The following KDM4C variants were observed in gnomAD, a reference collection of about 807,000 sequenced individuals.
KDM4C encodes lysine-specific demethylase 4C.
A neutral mutation model predicts 129.3 loss-of-function variants in KDM4C; 81 were observed. That is an observed-to-expected ratio of 0.63 (90% CI 0.52 to 0.75). The LOEUF (loss-of-function observed/expected upper bound fraction) is 0.75, where lower values mean the gene tolerates loss of function less well. KDM4C is among the 30% of genes least tolerant of loss of function. The pLI is 0.00. For synonymous variants in KDM4C, 573 were observed against 456.1 expected (o/e 1.26, Z -3.26); for missense variants, 1,457 against 1,304.0 (o/e 1.12, Z -1.81).
chr9:7,074,188 G>T (rs772503959), intron 17 of KDM4C, among the ~76,000 whole-genome samples: 7 of 151,834 alleles, frequency 4.6e-5, no homozygotes, highest in Admixed American at 1.3e-4. Context: ...TTCTGAGTTG[G>T]AGTTTCGCTC....
At chr9:6,830,366 TG>T (rs1834611791) in intron 4 of KDM4C, among the ~76,000 whole-genome samples, 1 of 152,142 alleles carries the variant, frequency 6.6e-6, no homozygotes, top group Non-Finnish European at 1.5e-5. Flanking sequence ...AGGGAGGTCG[TG>T]GAGCTGCTTC....
intron 17 of KDM4C, among the ~76,000 whole-genome samples, chr9:7,071,419 T>G (rs575632975): frequency 5.1e-4 from 78 of 152,270 alleles, no homozygotes; most frequent in African/African-American, 1.7e-3. Flanking sequence ...ATTAGCAAGT[T>G]AATGTGGTGA....
chr9:6,773,320 C>A (rs1822289729), intron 1 of KDM4C, among the ~76,000 whole-genome samples: 1 of 152,100 alleles, frequency 6.6e-6, no homozygotes, highest in Non-Finnish European at 1.5e-5. Flanking sequence ...CCATAAATTA[C>A]CATTTTTTAA....
At position 6,814,750 on chromosome 9, in the gene KDM4C, A is replaced by T. The variant is rs756260921; in HGVS notation, c.435+5A>T. 6.6e-7 allele frequency: 1 copy of T among 1,510,748 alleles called. No homozygotes were observed. The allele number at this position is 1,510,748 out of a possible 1,614,324, so 93.6% of individuals were successfully genotyped here. On this transcript the variant is annotated splice_donor_5th_base_variant and intron_variant, in intron 4 of 21. Transcript: ENST00000381309. ...AATGGGAGCATATATGATGAGGTACATTCATATTTACAGTGAGTTTTGTAA... is the reference window on the plus strand; with the variant it reads ...AATGGGAGCATATATGATGAGGTACTTTCATATTTACAGTGAGTTTTGTAA...
At chr9:7,162,101 C>T (rs953647374) in intron 19 of KDM4C, among the ~76,000 whole-genome samples, 5 of 152,132 alleles carry the variant, frequency 3.3e-5, no homozygotes, top group African/African-American at 1.2e-4. Flanking sequence ...AGCTGAATGA[C>T]CTGGTGCAGG....
intron 7 of KDM4C, 26 bp downstream of exon 7, chr9:6,888,089 AT>A: frequency 1.6e-6 from 2 of 1,233,600 alleles, no homozygotes; most frequent in Non-Finnish European, 2.3e-6. Flanking sequence ...TCTTACACAA[AT>A]TAATTTTGTT....
At chr9:6,938,890 C>T (rs1314803660) in intron 8 of KDM4C, among the ~76,000 whole-genome samples, 1 of 152,032 alleles carries the variant, frequency 6.6e-6, no homozygotes, top group East Asian at 1.9e-4. Context: ...GGTTAACTTA[C>T]TCATGTTTCA....
intron 18 of KDM4C, 135 bp downstream of exon 18, chr9:7,104,005 G>A: frequency 1.3e-6 from 1 of 785,578 alleles, no homozygotes; most frequent in Admixed American, 2.5e-5. Flanking sequence ...TGAGTTCCTT[G>A]AGGGCAGGGA....
intron 4 of KDM4C, among the ~76,000 whole-genome samples, chr9:6,815,309 C>T (rs1260772071): frequency 6.6e-6 from 1 of 152,072 alleles, no homozygotes; most frequent in East Asian, 1.9e-4. Context: ...AACCCTAATT[C>T]TAAAAGTTCT....
At chr9:6,832,816 C>T (rs962359415) in intron 4 of KDM4C, among the ~76,000 whole-genome samples, 2 of 150,276 alleles carry the variant, frequency 1.3e-5, no homozygotes, top group African/African-American at 2.5e-5. Flanking sequence ...CAACCTCTGC[C>T]TCCTGAGTTC....
In KDM4C at chr9:7,005,251, C is replaced by G. The variant is rs1821448256; in HGVS notation, c.1787-6447C>G. On this transcript the variant is annotated intron_variant, in intron 12 of 21. Transcript: ENST00000381309. ...AGGAGTTCAAGACCAGCCTGGCCAA[C>G]ATGGTGAAACCCCATCTCTACTAAA... 2.0e-5 allele frequency among the ~76,000 whole-genome samples: 3 copies of G among 152,056 alleles called. No individual in the cohort carries two copies. In the South Asian group the frequency reaches 6.2e-4, roughly 32 times the overall value.
chr9:6,906,364 T>C (rs1469662624), intron 8 of KDM4C, among the ~76,000 whole-genome samples: 1 of 152,202 alleles, frequency 6.6e-6, no homozygotes, highest in Non-Finnish European at 1.5e-5. Flanking sequence ...ATGGAAGGAA[T>C]TCTCAGCATC....
rs145525753 is a variant in KDM4C at position 6,822,353 on chromosome 9, G to A, written c.435+7608G>A. On this transcript the variant is annotated intron_variant, in intron 4 of 21. Coordinates refer to ENST00000381309, the MANE Select transcript of KDM4C (RefSeq NM_015061.6). ...TAATTATTTGTTCTTGGGGAAGACTGTACAAATCCTTTTTGAGATAGATGG... is the reference window on the plus strand; with the variant it reads ...TAATTATTTGTTCTTGGGGAAGACTATACAAATCCTTTTTGAGATAGATGG... Among the ~76,000 whole-genome samples the A allele has an allele frequency of 1.4e-3, 217 of 152,322 alleles. 4 individuals carry two copies. The highest frequency in any genetic ancestry group is 5.1e-3 in the African/African-American group (210 of 41,572).
rs781408510 is a variant in KDM4C, at chr9:6,731,663, T to C, written c.49+10666T>C. ...CTCCATTTTTGTTTGGTTTGGTCTGTTGGGGCCTAGCGCATGAGCTCAGTT... is the reference window on the plus strand; with the variant it reads ...CTCCATTTTTGTTTGGTTTGGTCTGCTGGGGCCTAGCGCATGAGCTCAGTT... On this transcript the variant is annotated intron_variant, in intron 1 of 17. Coordinates refer to the KDM4C transcript ENST00000536108. Among the ~76,000 whole-genome samples the C allele has an allele frequency of 2.0e-5, 3 of 152,106 alleles. No individual in the cohort carries two copies. The East Asian group carries it at 5.8e-4, about 29-fold the overall frequency.
intron 8 of KDM4C, chr9:6,925,527 A>G (rs1159231771): frequency 2.2e-6 from 2 of 902,724 alleles, no homozygotes; most frequent in Non-Finnish European, 2.6e-6. Context: ...ATCTCCTGGC[A>G]TCAAGCAGTC....
chr9:7,025,624 CAG>C (rs1825683430), intron 15 of KDM4C, among the ~76,000 whole-genome samples: 1 of 151,610 alleles, frequency 6.6e-6, no homozygotes, highest in African/African-American at 2.4e-5. Flanking sequence ...CAAAAACACA[CAG>C]AGGCAAAAAG....
rs190187021 is a variant in KDM4C at position 6,747,827 on chromosome 9, G to A, written c.49+26830G>A. Reference sequence around the variant, plus strand: ...TTTAGAGGGAGTGCCCTGGAATGCCGTCCCTATCACTGCCTTACTGGCATT... The same window carrying A: ...TTTAGAGGGAGTGCCCTGGAATGCCATCCCTATCACTGCCTTACTGGCATT... On this transcript the variant is annotated intron_variant, in intron 1 of 17. Transcript: ENST00000536108. 7.6e-4 allele frequency among the ~76,000 whole-genome samples: 116 copies of A among 152,284 alleles called. 2 individuals are homozygous for A. Among genetic ancestry groups the A allele is most frequent in the African/African-American group, 2.2e-4 (9 of 41,568 alleles).
In KDM4C at chr9:6,749,044, A is replaced by G; in HGVS notation, c.49+28047A>G. 14 of 592,478 alleles carry G rather than the reference A, an allele frequency of 2.4e-5. 1 individual carries two copies. Among genetic ancestry groups the G allele is most frequent in the South Asian group, 2.3e-4 (14 of 61,382 alleles). The allele number at this position is 592,478 out of a possible 1,614,324, so 36.7% of individuals were successfully genotyped here. A position where few individuals can be genotyped will look rare whatever the true frequency, so the allele number is the denominator to read the frequency against. On this transcript the variant is annotated intron_variant, in intron 1 of 17. Coordinates refer to the KDM4C transcript ENST00000536108. Reference sequence around the variant, plus strand: ...ATTATTATTTTTATTTTTGAAATGGAGTTTTGCTCTTGTTGCCCAGGCTGG... The same window carrying G: ...ATTATTATTTTTATTTTTGAAATGGGGTTTTGCTCTTGTTGCCCAGGCTGG...
At chr9:7,040,177 C>G (rs899498516) in intron 15 of KDM4C, among the ~76,000 whole-genome samples, 1 of 151,968 alleles carries the variant, frequency 6.6e-6, no homozygotes, top group African/African-American at 2.4e-5. Flanking sequence ...TTAGCACTTC[C>G]CTTTGATTTG....
Sources: allele counts gnomAD v4.1 joint callset (sites outside exome capture counted in the v4.1 genomes callset), GRCh38; gene constraint gnomAD v4.1.1; transcripts MANE v1.5; gene names NCBI Gene and HGNC (gene_info 2026-07-23, HGNC 2026-07-21).